The following PITPNC1 variants were observed in gnomAD, a reference collection of about 807,000 sequenced individuals.
PITPNC1 encodes cytoplasmic phosphatidylinositol transfer protein 1.
Under a neutral mutation model 44.7 loss-of-function variants are expected in PITPNC1, and 18 were observed. The ratio of observed to expected loss-of-function variants is 0.40; its 90% CI spans 0.28 to 0.60. PITPNC1 has a LOEUF of 0.60. Among genes scored for constraint, PITPNC1 ranks in the 20% least tolerant of loss-of-function variants. PITPNC1 has a pLI of 0.39. For missense variants in PITPNC1, 290 were observed against 418.4 expected (o/e 0.69, Z 2.68); for synonymous variants, 141 against 149.6 (o/e 0.94, Z 0.42).
chr17:67,405,409 C>A, intron 1 of PITPNC1, among the ~76,000 whole-genome samples: 1 of 149,360 alleles, frequency 6.7e-6, no homozygotes, highest in African/African-American at 2.5e-5. Context: ...AGAGCAAGAC[C>A]CTGTCTCAAA....
intron 7 of PITPNC1, among the ~76,000 whole-genome samples, chr17:67,674,325 G>A (rs1344226571): frequency 3.9e-5 from 6 of 151,938 alleles, no homozygotes; most frequent in African/African-American, 9.7e-5. Flanking sequence ...ACAACATGGC[G>A]AAACCCTGTC....
chr17:67,546,996 T>G (rs1204609799), intron 2 of PITPNC1, among the ~76,000 whole-genome samples: 1 of 152,202 alleles, frequency 6.6e-6, no homozygotes, highest in East Asian at 1.9e-4. Context: ...CAATTGATTA[T>G]GAATCAAACA....
At chr17:67,575,809 T>TC (rs2041135640) in intron 4 of PITPNC1, among the ~76,000 whole-genome samples, 1 of 123,248 alleles carries the variant, frequency 8.1e-6, no homozygotes, top group African/African-American at 3.0e-5. Flanking sequence ...TTTCTTTCTT[T>TC]CTTTCTTTCT....
intron 1 of PITPNC1, among the ~76,000 whole-genome samples, chr17:67,464,236 G>C (rs1760825018): frequency 1.3e-5 from 2 of 151,918 alleles, no homozygotes; most frequent in South Asian, 2.1e-4. Flanking sequence ...CATCTAAGTA[G>C]AGAAATAAGT....
At chr17:67,431,247 C>T (rs1389715836) in intron 1 of PITPNC1, among the ~76,000 whole-genome samples, 5 of 151,744 alleles carry the variant, frequency 3.3e-5, no homozygotes, top group Non-Finnish European at 5.9e-5. Flanking sequence ...TTAGTAGAGA[C>T]GGGATTTCAC....
intron 1 of PITPNC1, among the ~76,000 whole-genome samples, chr17:67,505,700 C>T (rs2040091798): frequency 6.6e-6 from 1 of 152,106 alleles, no homozygotes; most frequent in Admixed American, 6.6e-5. Flanking sequence ...TGGTCTCGAT[C>T]TCCTGACCTC....
chr17:67,441,483 C>T (rs77935351), intron 1 of PITPNC1, among the ~76,000 whole-genome samples: 1,705 of 152,202 alleles, frequency 0.011, 34 homozygotes, highest in African/African-American at 0.039. Flanking sequence ...GGAGAAATCA[C>T]GGAAGCAAAG....
chr17:67,647,473 T>TTGTG (rs2042163867), intron 6 of PITPNC1, among the ~76,000 whole-genome samples: 1 of 92,296 alleles, frequency 1.1e-5, no homozygotes, highest in African/African-American at 6.1e-5. Flanking sequence ...GGTTTTTTTT[T>TTGTG]TTTTTTTTTT....
intron 4 of PITPNC1, among the ~76,000 whole-genome samples, chr17:67,577,687 G>A (rs2144230161): frequency 6.6e-6 from 1 of 151,360 alleles, no homozygotes; most frequent in East Asian, 1.9e-4. Flanking sequence ...ATAAATTTAT[G>A]TTTTAAAAAT....
At chr17:67,603,165 G>C (rs766054318) in intron 5 of PITPNC1, among the ~76,000 whole-genome samples, 9 of 152,318 alleles carry the variant, frequency 5.9e-5, no homozygotes, top group Non-Finnish European at 1.2e-4. Context: ...TTGCTGACTT[G>C]AGTGATTATG....
At chr17:67,513,396 TATCTATATCTAC>T (rs1211653533) in intron 1 of PITPNC1, among the ~76,000 whole-genome samples, 64 of 100,254 alleles carry the variant, frequency 6.4e-4, no homozygotes, top group South Asian at 9.5e-4. Context: ...TCTATATCTA[TATCTATATCTAC>T]ATCTACATAT....
chr17:67,396,729 A>G (rs192122333), intron 1 of PITPNC1, among the ~76,000 whole-genome samples: 12 of 152,048 alleles, frequency 7.9e-5, no homozygotes, highest in East Asian at 1.9e-4. Context: ...CAGTGGTGCA[A>G]TCACTGCTCG....
intron 5 of PITPNC1, among the ~76,000 whole-genome samples, chr17:67,595,623 C>T (rs1401714654): frequency 6.6e-6 from 1 of 152,096 alleles, no homozygotes; most frequent in Non-Finnish European, 1.5e-5. Flanking sequence ...GCTTTTTAAC[C>T]ATGCAGTGTG....
chr17:67,608,666 G>GT (rs373586575), intron 5 of PITPNC1, among the ~76,000 whole-genome samples: 29,744 of 127,990 alleles, frequency 0.23, 3,541 homozygotes, highest in Middle Eastern at 0.3. Context: ...AGTTTTTCTA[G>GT]TTTTTTTTTT....
chr17:67,452,119 C>CATGAA (rs2039187891), intron 1 of PITPNC1, among the ~76,000 whole-genome samples: 1 of 151,946 alleles, frequency 6.6e-6, no homozygotes, highest in African/African-American at 2.4e-5. Flanking sequence ...ATCCTCCCAA[C>CATGAA]GTCATCCTCC....
intron 1 of PITPNC1, among the ~76,000 whole-genome samples, chr17:67,482,127 G>T (rs958794896): frequency 3.3e-5 from 5 of 152,066 alleles, no homozygotes; most frequent in African/African-American, 4.8e-5. Flanking sequence ...GACTCTAATT[G>T]GTCTTCCGTT....
intron 1 of PITPNC1, among the ~76,000 whole-genome samples, chr17:67,526,328 T>C (rs1452530844): frequency 6.6e-6 from 1 of 152,224 alleles, no homozygotes; most frequent in East Asian, 1.9e-4. Flanking sequence ...ATCCAGTATT[T>C]CTTCAGGCAT....
At chr17:67,450,247 G>A (rs1015933541) in intron 1 of PITPNC1, among the ~76,000 whole-genome samples, 6 of 151,962 alleles carry the variant, frequency 3.9e-5, no homozygotes. Context: ...TGCAAACTGC[G>A]TTTTCTTCAA....
chr17:67,463,392 T>C lies in PITPNC1; in HGVS notation c.49-69410T>C, dbSNP rs553590902. On this transcript the variant is annotated intron_variant, in intron 1 of 8. Coordinates refer to ENST00000581322, the MANE Select transcript of PITPNC1 (RefSeq NM_012417.4). ...TTTCATACATGCAGTTGTGGCAATA[T>C]TGATTGAGCTTTCTCTGAGCCCAAA... 1.1e-3 allele frequency among the ~76,000 whole-genome samples: 168 copies of C among 152,234 alleles called. 3 individuals are homozygous for C. In the South Asian group the frequency reaches 0.014, roughly 13 times the overall value.
Sources: gnomAD v4.1 joint callset for allele counts (sites outside exome capture counted in the v4.1 genomes callset) on GRCh38, gnomAD v4.1.1 for gene constraint, MANE v1.5 for transcripts, NCBI Gene and HGNC (gene_info 2026-07-23, HGNC 2026-07-21) for gene names.